GRID1: variants seen among roughly 807,000 people sequenced by gnomAD.
The protein encoded by GRID1 is glutamate receptor ionotropic, delta-1.
In GRID1, 28 loss-of-function variants were observed where a neutral mutation model predicts 98.0. The ratio of observed to expected loss-of-function variants is 0.29; its 90% confidence interval spans 0.21 to 0.39. The LOEUF (loss-of-function observed/expected upper bound fraction) is 0.39. Ranked by LOEUF, GRID1 falls within the 10% of genes least tolerant of loss-of-function variation. GRID1 has a pLI of 1.00. For synonymous variants in GRID1, 553 were observed against 538.5 expected (o/e 1.03, Z -0.37); for missense variants, 1,111 against 1,340.5 (o/e 0.83, Z 2.67).
chr10:86,344,023 C>T (rs1376429256), intron 2 of GRID1, among the ~76,000 whole-genome samples: 1 of 152,242 alleles, frequency 6.6e-6, no homozygotes, highest in African/African-American at 2.4e-5. Context: ...TTGGCTGGCC[C>T]TGGCCGCCCC....
rs747496837 is a variant in GRID1, at chr10:85,875,904, TTA to T, written c.781-6726_781-6725del. Among the ~76,000 whole-genome samples, 3 of 152,344 alleles carry T rather than the reference TTA, an allele frequency of 2.0e-5. No individual in the cohort carries two copies. The East Asian group carries it at 5.8e-4, about 29-fold the overall frequency. Reference sequence around the variant, plus strand: ...AGGCTTCTTTTAGAGACCTCAGACCTTATATCTGGGGTCATCTTCCTTCTCCT... The same window carrying T: ...AGGCTTCTTTTAGAGACCTCAGACCTTATCTGGGGTCATCTTCCTTCTCCT... On this transcript the variant is annotated intron_variant, in intron 5 of 15. Coordinates refer to ENST00000327946, the MANE Select transcript of GRID1 (RefSeq NM_017551.3).
At chr10:85,812,034 AG>A (rs1842676476) in intron 8 of GRID1, among the ~76,000 whole-genome samples, 3 of 152,226 alleles carry the variant, frequency 2.0e-5, no homozygotes, top group Admixed American at 2.0e-4. Flanking sequence ...AGGCCAGAAA[AG>A]AATGGAATAA....
At chr10:85,742,299 C>T (rs1841951961) in intron 8 of GRID1, among the ~76,000 whole-genome samples, 1 of 152,058 alleles carries the variant, frequency 6.6e-6, no homozygotes, top group South Asian at 2.1e-4. Flanking sequence ...TTGTCTGGGC[C>T]ATATGGTCTC....
chr10:86,256,534 G>A (rs1397987019), intron 2 of GRID1, among the ~76,000 whole-genome samples: 1 of 151,824 alleles, frequency 6.6e-6, no homozygotes, highest in African/African-American at 2.4e-5. Context: ...TTGGCAAGAG[G>A]GTCCAAAAGT....
chr10:85,951,340 G>C (rs181151776), intron 4 of GRID1, among the ~76,000 whole-genome samples: 22 of 152,232 alleles, frequency 1.4e-4, no homozygotes, highest in Non-Finnish European at 4.4e-5. Context: ...GTGTGCAGAG[G>C]GAGTTCTAAG....
intron 12 of GRID1, among the ~76,000 whole-genome samples, chr10:85,676,890 C>T (rs1050463327): frequency 1.3e-5 from 2 of 152,204 alleles, no homozygotes; most frequent in African/African-American, 2.4e-5. Flanking sequence ...ACTGGGTTTG[C>T]CATTAGTTAA....
intron 5 of GRID1, among the ~76,000 whole-genome samples, chr10:85,908,294 G>A (rs1236164036): frequency 6.6e-6 from 1 of 152,074 alleles, no homozygotes. Flanking sequence ...AAATCTAATG[G>A]AATCTATGAA....
intron 8 of GRID1, among the ~76,000 whole-genome samples, chr10:85,777,000 T>A (rs1338568801): frequency 6.6e-6 from 1 of 152,202 alleles, no homozygotes; most frequent in East Asian, 1.9e-4. Context: ...CTGAAATCAT[T>A]ATCTGGATAA....
At chr10:85,668,639 C>T (rs963302784) in intron 12 of GRID1, among the ~76,000 whole-genome samples, 1 of 152,198 alleles carries the variant, frequency 6.6e-6, no homozygotes, top group Non-Finnish European at 1.5e-5. Flanking sequence ...AGAAAGCAGT[C>T]ACTTTCCAAG....
intron 13 of GRID1, among the ~76,000 whole-genome samples, chr10:85,643,484 G>T (rs1843148163): frequency 6.6e-6 from 1 of 152,158 alleles, no homozygotes; most frequent in Admixed American, 6.5e-5. Flanking sequence ...GCCATAGTCT[G>T]GGGGCAGGGA....
intron 8 of GRID1, among the ~76,000 whole-genome samples, chr10:85,783,654 G>A (rs1323704990): frequency 1.3e-5 from 2 of 152,150 alleles, no homozygotes; most frequent in African/African-American, 2.4e-5. Context: ...TGTGTCATGA[G>A]GTGAGCTGAG....
chr10:86,087,824 C>A (rs1382585495), intron 4 of GRID1, among the ~76,000 whole-genome samples: 2 of 152,048 alleles, frequency 1.3e-5, no homozygotes, highest in East Asian at 1.9e-4. Context: ...CCCCACCGTG[C>A]AAAGGCAGCC....
chr10:85,918,740 T>G (rs1841657059), intron 4 of GRID1, among the ~76,000 whole-genome samples: 1 of 152,200 alleles, frequency 6.6e-6, no homozygotes, highest in South Asian at 2.1e-4. Context: ...CTTTCTGACT[T>G]TCCAAGTCAT....
At chr10:86,170,277 G>A (rs574993943) in intron 3 of GRID1, among the ~76,000 whole-genome samples, 11 of 152,336 alleles carry the variant, frequency 7.2e-5, no homozygotes, top group South Asian at 4.1e-4. Flanking sequence ...GCCAGCAGGC[G>A]GATGGCATGG....
chr10:85,849,155 A>G (rs1843034578), intron 8 of GRID1, among the ~76,000 whole-genome samples: 1 of 152,144 alleles, frequency 6.6e-6, no homozygotes, highest in Non-Finnish European at 1.5e-5. Flanking sequence ...TTCACCTCTT[A>G]CAACTTCTGA....
chr10:85,888,337 C>T (rs1031443736), intron 5 of GRID1, among the ~76,000 whole-genome samples: 3 of 152,178 alleles, frequency 2.0e-5, no homozygotes, highest in African/African-American at 7.2e-5. Flanking sequence ...AGTCTCCTCT[C>T]CCTAAAGACT....
At chr10:85,834,176 A>T (rs1439236745) in intron 8 of GRID1, among the ~76,000 whole-genome samples, 1 of 152,218 alleles carries the variant, frequency 6.6e-6, no homozygotes, top group Non-Finnish European at 1.5e-5. Context: ...CCATGTCAAG[A>T]CATATCATAA....
chr10:85,828,767 G>A (rs1564603096), intron 8 of GRID1, among the ~76,000 whole-genome samples: 1 of 152,058 alleles, frequency 6.6e-6, no homozygotes, highest in African/African-American at 2.4e-5. Context: ...GGAAGTAATG[G>A]AATCCTTGAA....
At chr10:86,222,751 A>T (rs996587691) in intron 2 of GRID1, among the ~76,000 whole-genome samples, 1 of 152,164 alleles carries the variant, frequency 6.6e-6, no homozygotes, top group African/African-American at 2.4e-5. Flanking sequence ...CCATTCCCCA[A>T]GTTGGAGTGG....
Sources: allele counts gnomAD v4.1 joint callset (sites outside exome capture counted in the v4.1 genomes callset), GRCh38; gene constraint gnomAD v4.1.1; transcripts MANE v1.5; gene names NCBI Gene and HGNC (gene_info 2026-07-23, HGNC 2026-07-21).